Variants in FNBP1L observed in about 807,000 individuals in gnomAD.
FNBP1L encodes the protein formin-binding protein 1-like.
Under a neutral mutation model 91.2 loss-of-function variants are expected in FNBP1L, and 36 were observed. The ratio of observed to expected loss-of-function variants is 0.39; its 90% CI spans 0.30 to 0.52. The LOEUF is 0.52. Ranked by LOEUF, FNBP1L falls within the 20% of genes least tolerant of loss-of-function variation. The probability of loss-of-function intolerance (pLI) is 0.66; values close to 1 mark genes in which losing one functional copy is unlikely to be tolerated. For synonymous variants in FNBP1L, 242 were observed against 237.0 expected (o/e 1.02, Z -0.19); for missense variants, 571 against 732.1 (o/e 0.78, Z 2.54).
chr1:93,529,884 T>A lies in FNBP1L; in HGVS notation c.510+128T>A, dbSNP rs1382114856. 7 of 590,048 alleles carry A rather than the reference T, an allele frequency of 1.2e-5. No individual in the cohort carries two copies. The African/African-American group carries it at 1.2e-4, about 10-fold the overall frequency. The allele number at this position is 590,048 out of a possible 1,614,324, so 36.6% of individuals were successfully genotyped here. ...ATACACTGTATCTAAGTCTAAAATATACAAATATTTGCCAACTTTAAATTA... is the reference window on the plus strand; with the variant it reads ...ATACACTGTATCTAAGTCTAAAATAAACAAATATTTGCCAACTTTAAATTA... On this transcript the variant is annotated intron_variant, in intron 6 of 16. Transcript: ENST00000271234.
intron 1 of FNBP1L, among the ~76,000 whole-genome samples, chr1:93,479,085 C>T (rs551809223): frequency 7.2e-4 from 110 of 152,304 alleles, no homozygotes; most frequent in African/African-American, 2.2e-3. Flanking sequence ...CCCTGTCGGC[C>T]GGTCTGAGAA....
At chr1:93,497,871 C>T (rs1670318830) in intron 1 of FNBP1L, among the ~76,000 whole-genome samples, 2 of 152,040 alleles carry the variant, frequency 1.3e-5, no homozygotes, top group African/African-American at 2.4e-5. Context: ...CCACCCACCT[C>T]GGCCTCTCAA....
At chr1:93,529,402 A>G (rs1002111085) in intron 5 of FNBP1L, among the ~76,000 whole-genome samples, 9 of 152,092 alleles carry the variant, frequency 5.9e-5, no homozygotes, top group Admixed American at 1.3e-4. Flanking sequence ...TTTCCACACA[A>G]TACACAGTGG....
intron 2 of FNBP1L, among the ~76,000 whole-genome samples, chr1:93,507,891 C>T (rs1195645857): frequency 6.6e-6 from 1 of 151,216 alleles, no homozygotes; most frequent in Admixed American, 6.6e-5. Context: ...TCAGGTGATC[C>T]ACCTGCCTCG....
chr1:93,543,996 A>T, intron 11 of FNBP1L, 111 bp from the exon 12 acceptor site: 1 of 707,864 alleles, frequency 1.4e-6, no homozygotes, highest in Non-Finnish European at 2.1e-6. Flanking sequence ...GCTTGAGGCA[A>T]ATTTGAAATT....
rs527345286 is a variant in FNBP1L, at chr1:93,509,804, G to A, written c.140+10221G>A. ...CGAGGCATTGCCTCACTCGGGAAGC[G>A]CAAGGGGTCAGGGAGTTCCCTTTCC... On this transcript the variant is annotated intron_variant, in intron 2 of 16. Coordinates refer to ENST00000271234, the MANE Select transcript of FNBP1L (RefSeq NM_001164473.3). 5.9e-5 allele frequency among the ~76,000 whole-genome samples: 9 copies of A among 152,336 alleles called. No homozygotes were observed. The East Asian group carries it at 9.7e-4, about 16-fold the overall frequency.
At chr1:93,449,045 A>C (rs556582747) in intron 1 of FNBP1L, among the ~76,000 whole-genome samples, 112 of 152,306 alleles carry the variant, frequency 7.4e-4, no homozygotes, top group African/African-American at 2.6e-3. Context: ...TAATTTTACC[A>C]AAAGGAGCGT....
intron 1 of FNBP1L, among the ~76,000 whole-genome samples, chr1:93,473,537 C>A (rs1266974993): frequency 6.6e-6 from 1 of 152,138 alleles, no homozygotes; most frequent in Non-Finnish European, 1.5e-5. Flanking sequence ...GGGGTCGTTT[C>A]CATCTTCAAC....
intron 1 of FNBP1L, among the ~76,000 whole-genome samples, chr1:93,456,240 C>G (rs1570757732): frequency 6.6e-6 from 1 of 152,166 alleles, no homozygotes; most frequent in African/African-American, 2.4e-5. Context: ...ATTAGTTATT[C>G]ATGTTTGGCA....
At chr1:93,508,431 T>C (rs948105790) in intron 2 of FNBP1L, among the ~76,000 whole-genome samples, 1 of 152,180 alleles carries the variant, frequency 6.6e-6, no homozygotes, top group African/African-American at 2.4e-5. Flanking sequence ...AAGAACTTTG[T>C]GGACAGTGCT....
At chr1:93,451,378 A>G (rs1322002313) in intron 1 of FNBP1L, among the ~76,000 whole-genome samples, 5 of 152,190 alleles carry the variant, frequency 3.3e-5, no homozygotes, top group Admixed American at 3.3e-4. Context: ...TTAAAGTTCG[A>G]CAGAAAAAAT....
chr1:93,449,256 TGGAGGGCAGTGATTTCTCAGGTGC>T lies in FNBP1L; in HGVS notation c.24+978_24+1001del, dbSNP rs535657525. Among the ~76,000 whole-genome samples, 1,301 of 151,660 alleles carry T rather than the reference TGGAGGGCAGTGATTTCTCAGGTGC, an allele frequency of 8.6e-3. 8 individuals carry two copies. The highest frequency in any genetic ancestry group is 0.01 in the African/African-American group (419 of 41,280). Reference sequence around the variant, plus strand: ...GCGCCGGCGCGGAAGGGTCGAGGTGTGGAGGGCAGTGATTTCTCAGGTGCGGAGGGCAGTGATTTCTCAGGTGCG... The same window carrying T: ...GCGCCGGCGCGGAAGGGTCGAGGTGTGGAGGGCAGTGATTTCTCAGGTGCG... On this transcript the variant is annotated intron_variant, in intron 1 of 16. Transcript: ENST00000271234.
intron 1 of FNBP1L, among the ~76,000 whole-genome samples, chr1:93,487,965 A>G (rs1452142080): frequency 2.0e-5 from 3 of 152,186 alleles, no homozygotes; most frequent in South Asian, 2.1e-4. Context: ...GGACATCTCA[A>G]ATTTAACTGT....
chr1:93,487,480 AATTT>A (rs1669947872), intron 1 of FNBP1L, among the ~76,000 whole-genome samples: 1 of 152,180 alleles, frequency 6.6e-6, no homozygotes, highest in African/African-American at 2.4e-5. Context: ...CATCATACTT[AATTT>A]GTCACTGCAT....
At chr1:93,516,804 T>G (rs1389576649) in intron 2 of FNBP1L, among the ~76,000 whole-genome samples, 1 of 152,134 alleles carries the variant, frequency 6.6e-6, no homozygotes, top group East Asian at 1.9e-4. Flanking sequence ...AGTTCATGAG[T>G]TTGTGCTTCA....
At chr1:93,483,033 A>C (rs1461993715) in intron 1 of FNBP1L, among the ~76,000 whole-genome samples, 1 of 148,282 alleles carries the variant, frequency 6.7e-6, no homozygotes, top group African/African-American at 2.4e-5. Flanking sequence ...AACAAAAAAA[A>C]CAAAAAACAA....
intron 14 of FNBP1L, among the ~76,000 whole-genome samples, chr1:93,549,052 A>G (rs1169291280): frequency 6.6e-6 from 1 of 152,172 alleles, no homozygotes. Flanking sequence ...TGTGCCTAGA[A>G]TATTGTAATC....
At position 93,554,634 on chromosome 1, in the gene FNBP1L, A is replaced by G. The variant is rs1672517195; in HGVS notation, c.*2218A>G. 1 of 152,606 alleles carries G rather than the reference A, an allele frequency of 6.6e-6. No homozygotes were observed. The highest frequency in any genetic ancestry group is 2.4e-5 in the African/African-American group (1 of 41,458). 9.5% of individuals were successfully genotyped at this position (152,606 alleles called of 1,614,324 possible). The stretch of plus-strand genomic sequence containing the variant: ...TCTCTGTTGAGAATATTTACATGGA[A>G]TAAAACAATCTTTTCATGGCCTGTT... On this transcript the variant is annotated 3_prime_UTR_variant, in exon 17 of 17. Transcript: ENST00000271234.
intron 1 of FNBP1L, among the ~76,000 whole-genome samples, chr1:93,472,359 G>T (rs936589204): frequency 2.6e-5 from 4 of 152,118 alleles, no homozygotes; most frequent in Admixed American, 6.6e-5. Context: ...GAGAGATTAA[G>T]TATCTTGTCT....
Sources: gnomAD v4.1 joint callset for allele counts (sites outside exome capture counted in the v4.1 genomes callset) on GRCh38, gnomAD v4.1.1 for gene constraint, MANE v1.5 for transcripts, NCBI Gene and HGNC (gene_info 2026-07-23, HGNC 2026-07-21) for gene names.